Variants in BIRC6 observed in about 807,000 individuals in gnomAD.
BIRC6 encodes dual E2 ubiquitin-conjugating enzyme/E3 ubiquitin-protein ligase BIRC6.
A neutral mutation model predicts 503.3 loss-of-function variants in BIRC6; 98 were observed. The ratio of observed to expected loss-of-function variants is 0.19; its 90% CI spans 0.17 to 0.23. The LOEUF (loss-of-function observed/expected upper bound fraction) is 0.23, where lower values mean the gene tolerates loss of function less well. Among genes scored for constraint, BIRC6 ranks in the 10% least tolerant of loss-of-function variants. BIRC6 has a pLI of 1.00. For synonymous variants in BIRC6, 2,240 were observed against 2,078.7 expected, an observed-to-expected ratio of 1.08 and a Z score of -2.11; for missense variants, 5,360 against 5,806.0, an observed-to-expected ratio of 0.92 and a Z score of 2.50.
At chr2:32,384,738 T>C (rs1353830148) in intron 3 of BIRC6, among the ~76,000 whole-genome samples, 1 of 152,204 alleles carries the variant, frequency 6.6e-6, no homozygotes, top group Non-Finnish European at 1.5e-5. Context: ...TTTGGGCCTG[T>C]GCATAGCCTC....
At chr2:32,450,046 A>G (rs1305913222) in intron 22 of BIRC6, among the ~76,000 whole-genome samples, 2 of 152,200 alleles carry the variant, frequency 1.3e-5, no homozygotes, top group African/African-American at 4.8e-5. Context: ...GGAGATACCA[A>G]TGCCTTCAGT....
intron 59 of BIRC6, 109 bp from the exon 60 acceptor site, chr2:32,529,542 G>A (rs1300617296): frequency 1.0e-6 from 1 of 997,268 alleles, no homozygotes; most frequent in East Asian, 2.7e-5. Context: ...TTTTGAAATT[G>A]GTTTCAGAAT....
At chr2:32,436,678 C>A (rs1052531568) in intron 15 of BIRC6, among the ~76,000 whole-genome samples, 1 of 152,032 alleles carries the variant, frequency 6.6e-6, no homozygotes, top group Non-Finnish European at 1.5e-5. Flanking sequence ...CTCCTAGGTT[C>A]AAGTGATTCT....
chr2:32,376,880 AC>A (rs1306888778), intron 1 of BIRC6, among the ~76,000 whole-genome samples: 7 of 152,170 alleles, frequency 4.6e-5, no homozygotes. Flanking sequence ...GTACTTTTGG[AC>A]CTTTGATTGA....
rs756272337 is a variant in BIRC6, at chr2:32,415,813, A to G, written c.2522A>G (p.Glu841Gly). Residue 841 changes from glutamate to glycine, a missense_variant, in exon 10 of 74, where the codon GAG becomes GGG. Coordinates refer to ENST00000421745, the MANE Select transcript of BIRC6 (RefSeq NM_016252.4). ...NYATRIVTLE[E>G]EPIKIQHIKD... ...GCCACTCGGATAGTGACTTTAGAAG[A>G]GGAGCCAATAAAAATACAACATATC... 6.2e-7 allele frequency: 1 copy of G among 1,613,836 alleles called. No homozygotes were observed. Among genetic ancestry groups the G allele is most frequent in the South Asian group, 1.1e-5 (1 of 91,072 alleles).
intron 50 of BIRC6, among the ~76,000 whole-genome samples, chr2:32,506,032 A>G (rs1443100765): frequency 1.3e-5 from 2 of 151,934 alleles, no homozygotes; most frequent in Admixed American, 1.3e-4. Flanking sequence ...ATTTTTTTGT[A>G]GAGACGGGGT....
intron 4 of BIRC6, among the ~76,000 whole-genome samples, chr2:32,390,082 A>G (rs766065300): frequency 2.0e-4 from 30 of 151,878 alleles, no homozygotes; most frequent in Non-Finnish European, 3.8e-4. Flanking sequence ...CTGGTGTCGA[A>G]CTCCCTACCT....
intron 50 of BIRC6, among the ~76,000 whole-genome samples, chr2:32,507,461 A>G (rs1040428874): frequency 2.6e-5 from 4 of 152,226 alleles, no homozygotes; most frequent in Non-Finnish European, 5.9e-5. Flanking sequence ...CAAACAAAAA[A>G]AAATTTCTAA....
intron 1 of BIRC6, among the ~76,000 whole-genome samples, chr2:32,373,962 T>G (rs1301952485): frequency 1.3e-5 from 2 of 152,238 alleles, no homozygotes; most frequent in Non-Finnish European, 2.9e-5. Context: ...GGAAAAATAC[T>G]GTATGATTCC....
rs775277790 is a variant in BIRC6 at position 32,501,728 on chromosome 2, A to T, written c.9047A>T (p.His3016Leu). 8 of 1,610,748 alleles carry T rather than the reference A, an allele frequency of 5.0e-6. No individual in the cohort carries two copies. Among genetic ancestry groups the T allele is most frequent in the Non-Finnish European group, 5.9e-6 (7 of 1,179,072 alleles). ...MAMIIGASGL[H>L]LTKHENFHGG... Reference sequence around the variant, plus strand: ...TTTTTCTTAGGAGCAAGTGGATTACATCTCACTAAACATGAAAACTTTCAT... The same window carrying T: ...TTTTTCTTAGGAGCAAGTGGATTACTTCTCACTAAACATGAAAACTTTCAT... Residue 3016 changes from histidine to leucine, a missense_variant, in exon 47 of 74, where the codon CAT becomes CTT. Physicochemically the swap from His to Leu is moderately conservative, Grantham distance 99 (BLOSUM62 -3). Around this residue, in one of 16 missense-constraint regions of BIRC6, gnomAD observed 267 missense variants for 287.6 expected, o/e 0.93. Transcript: ENST00000421745.
At chr2:32,422,433 A>G (rs894474558) in intron 10 of BIRC6, among the ~76,000 whole-genome samples, 2 of 151,986 alleles carry the variant, frequency 1.3e-5, no homozygotes, top group African/African-American at 4.8e-5. Flanking sequence ...TTAGAAGAAA[A>G]TTTACATAAC....
intron 44 of BIRC6, among the ~76,000 whole-genome samples, chr2:32,493,179 A>G (rs1466753615): frequency 1.3e-5 from 2 of 151,944 alleles, no homozygotes; most frequent in Non-Finnish European, 2.9e-5. Context: ...GAAATGGGGT[A>G]ATTAAGAAGG....
rs1000647734 is a variant in BIRC6, at chr2:32,384,232, A to G, written c.645+3942A>G. The stretch of plus-strand genomic sequence containing the variant: ...TACATTTTTGGTTGATTCAAAGCAT[A>G]TGCTTCATCTTGTAAGGTAGAACTC... On this transcript the variant is annotated intron_variant, in intron 3 of 73. Transcript: ENST00000421745. Among the ~76,000 whole-genome samples, 6 of 152,344 alleles carry G rather than the reference A, an allele frequency of 3.9e-5. No individual in the cohort carries two copies. The South Asian group carries it at 1.2e-3, about 32-fold the overall frequency.
At chr2:32,505,315 A>G (rs2053671557) in intron 50 of BIRC6, 110 bp downstream of exon 50, 6 of 878,386 alleles carry the variant, frequency 6.8e-6, no homozygotes, top group African/African-American at 1.7e-5. Flanking sequence ...ATTACCAGAG[A>G]GTGTAACTTC....
At chr2:32,459,739 A>G (rs541881872) in intron 23 of BIRC6, among the ~76,000 whole-genome samples, 1 of 151,036 alleles carries the variant, frequency 6.6e-6, no homozygotes, top group South Asian at 2.1e-4. Context: ...TAGGTCTTTG[A>G]TTTCTCTTGG....
chr2:32,434,140 T>C (rs1011315524), intron 13 of BIRC6, among the ~76,000 whole-genome samples: 3 of 152,206 alleles, frequency 2.0e-5, no homozygotes, highest in Non-Finnish European at 4.4e-5. Context: ...AGAACTGTTA[T>C]GGAAGTTACT....
intron 1 of BIRC6, among the ~76,000 whole-genome samples, chr2:32,375,094 A>G (rs2036550088): frequency 6.6e-6 from 1 of 152,200 alleles, no homozygotes; most frequent in African/African-American, 2.4e-5. Context: ...AGTATGTTTT[A>G]GAGCTATTGT....
rs751835896 is a variant in BIRC6 at position 32,442,328 on chromosome 2, A to G, written c.4111A>G (p.Lys1371Glu). 130 of 1,613,116 alleles carry G rather than the reference A, an allele frequency of 8.1e-5. No individual in the cohort carries two copies. In the East Asian group the frequency reaches 2.9e-3, roughly 36 times the overall value. Reference sequence around the variant, plus strand: ...ATGTCTGCTATTGTTTTGCAGCTCAAAGGAAGGAAATGAGAACCTACTTTC... The same window carrying G: ...ATGTCTGCTATTGTTTTGCAGCTCAGAGGAAGGAAATGAGAACCTACTTTC... Reference protein sequence around the residue: ...GVHSNGPGSSKEGNENLLSKT... With the variant: ...GVHSNGPGSSEEGNENLLSKT... Residue 1371 changes from lysine (K) to glutamate (E), a missense_variant, in exon 19 of 74, where the codon AAG (lysine) becomes GAG (glutamate). Transcript: ENST00000421745.
intron 37 of BIRC6, among the ~76,000 whole-genome samples, chr2:32,480,522 G>C (rs1031932114): frequency 6.7e-6 from 1 of 149,030 alleles, no homozygotes; most frequent in East Asian, 2.1e-4. Flanking sequence ...AAGAGTTATA[G>C]AGGGGTACTT....
Sources: allele counts gnomAD v4.1 joint callset (sites outside exome capture counted in the v4.1 genomes callset), GRCh38; gene constraint gnomAD v4.1.1; regional missense constraint gnomAD v4.1.1; transcripts MANE v1.5; gene names NCBI Gene and HGNC (gene_info 2026-07-23, HGNC 2026-07-21).